Variants in TMC7 observed in about 807,000 individuals in gnomAD.
TMC7 encodes the protein transmembrane channel like 7, also known as transmembrane channel-like protein 7.
Under a neutral mutation model 82.9 loss-of-function variants are expected in TMC7, and 54 were observed. The observed-to-expected ratio is 0.65, with a 90% CI of 0.52 to 0.82. The LOEUF is 0.82. Among genes scored for constraint, TMC7 ranks in the 40% least tolerant of loss-of-function variants. The pLI, the probability that TMC7 is intolerant of heterozygous loss-of-function variation, is 0.00. For synonymous variants in TMC7, 350 were observed against 337.9 expected, an observed-to-expected ratio of 1.04 and a Z score of -0.39; for missense variants, 820 against 901.2, an observed-to-expected ratio of 0.91 and a Z score of 1.15.
At chr16:19,009,940 C>CA (rs773991777) in intron 2 of TMC7, among the ~76,000 whole-genome samples, 37,744 of 96,984 alleles carry the variant, frequency 0.39, 6,320 homozygotes, top group African/African-American at 0.42. Context: ...GACTCCAGCT[C>CA]AAAAAAAAAA....
At chr16:18,994,354 G>C (rs965585924) in intron 1 of TMC7, among the ~76,000 whole-genome samples, 4 of 151,858 alleles carry the variant, frequency 2.6e-5, no homozygotes, top group Non-Finnish European at 5.9e-5. Context: ...AAGTTGTTTG[G>C]ACAGAAAGGC....
rs559336058 is a variant in TMC7 at position 18,989,530 on chromosome 16, C to G, written c.67+5400C>G. Among the ~76,000 whole-genome samples, 185 of 143,568 alleles carry G rather than the reference C, an allele frequency of 1.3e-3. 4 individuals are homozygous for G. Among genetic ancestry groups the G allele is most frequent in the African/African-American group, 4.6e-3 (183 of 39,796 alleles). The allele number at this position is 143,568 out of a possible 152,430, so 94.2% of individuals were successfully genotyped here. A position where few individuals can be genotyped will look rare whatever the true frequency, so the allele number is the denominator to read the frequency against. On this transcript the variant is annotated intron_variant, in intron 1 of 15. Transcript: ENST00000304381. ...GGAGCATTGTTTGGGCCTGGGGCCACCTAGACCTTCTGATGCTCTGTCCCC... is the reference window on the plus strand; with the variant it reads ...GGAGCATTGTTTGGGCCTGGGGCCAGCTAGACCTTCTGATGCTCTGTCCCC...
Position 19,009,378 on chromosome 16 carries a change from A to C in TMC7, c.274A>C (p.Asn92His). ...AAACCTCAGCAGCCATTCTCTTCGA[A>C]ATTATGCACTGAACATCTCTGAGAA... ...AENLSSHSLR[N>H]YALNISEKRR... Residue 92 changes from asparagine (N) to histidine (H), a missense_variant, in exon 2 of 16, where the codon AAT becomes CAT. Around this residue, in one of 2 missense-constraint regions of TMC7, gnomAD observed 650 missense variants for 669.9 expected, o/e 0.97. Transcript: ENST00000304381. 1 of 1,614,124 alleles carries C rather than the reference A, an allele frequency of 6.2e-7. No individual in the cohort carries two copies. Among genetic ancestry groups the C allele is most frequent in the Non-Finnish European group, 8.5e-7 (1 of 1,180,024 alleles).
chr16:19,058,466 C>CA (rs1961867749), intron 14 of TMC7, among the ~76,000 whole-genome samples: 1 of 152,148 alleles, frequency 6.6e-6, no homozygotes, highest in Admixed American at 6.5e-5. Flanking sequence ...CCCTATTTTA[C>CA]AAATGAGGAA....
chr16:18,985,313 T>C (rs1167702452), intron 1 of TMC7, among the ~76,000 whole-genome samples: 5 of 147,534 alleles, frequency 3.4e-5, no homozygotes, highest in African/African-American at 1.0e-4. Context: ...GATTTGGTCA[T>C]TGAGGCCTTC....
chr16:19,037,815 T>C, intron 7 of TMC7, 59 bp from the exon 8 acceptor site: 1 of 1,529,214 alleles, frequency 6.5e-7, no homozygotes, highest in East Asian at 2.3e-5. Context: ...TGAATCAATT[T>C]CTATCCCTGA....
chr16:19,045,591 C>CTTTT (rs58444252), intron 11 of TMC7, among the ~76,000 whole-genome samples, 153 bp downstream of exon 11: 1 of 77,760 alleles, frequency 1.3e-5, no homozygotes, highest in Admixed American at 1.7e-4. Flanking sequence ...TGGTAACTTT[C>CTTTT]TTTTTTTTTT....
chr16:19,010,158 T>TCCCCTCCG (rs2039316988), intron 2 of TMC7, among the ~76,000 whole-genome samples: 1 of 23,666 alleles, frequency 4.2e-5, no homozygotes, highest in Non-Finnish European at 8.8e-5. Flanking sequence ...CCTCCCCTCC[T>TCCCCTCCG]CTCCTCTCCT....
chr16:19,002,957 C>T (rs1450066703), intron 1 of TMC7, among the ~76,000 whole-genome samples: 3 of 152,198 alleles, frequency 2.0e-5, no homozygotes, highest in African/African-American at 7.2e-5. Flanking sequence ...GGTGAAATGA[C>T]CTGTGGTAAA....
intron 6 of TMC7, 120 bp downstream of exon 6, chr16:19,030,489 G>T: frequency 8.1e-7 from 1 of 1,233,082 alleles, no homozygotes; most frequent in Non-Finnish European, 1.1e-6. Context: ...GGGTTTTGTG[G>T]GGAAGGGTTT....
At chr16:19,000,554 A>G (rs751622261) in intron 1 of TMC7, among the ~76,000 whole-genome samples, 2 of 152,230 alleles carry the variant, frequency 1.3e-5, no homozygotes, top group Non-Finnish European at 2.9e-5. Flanking sequence ...ACATCGACTT[A>G]TCGGTAATAT....
At chr16:19,053,122 T>A (rs1357536686) in intron 13 of TMC7, among the ~76,000 whole-genome samples, 1 of 152,156 alleles carries the variant, frequency 6.6e-6, no homozygotes, top group Admixed American at 6.5e-5. Context: ...GGGTGTAAAT[T>A]GAAGAGAAAA....
chr16:19,000,839 T>C (rs913400671), intron 1 of TMC7, among the ~76,000 whole-genome samples: 4 of 152,046 alleles, frequency 2.6e-5, no homozygotes, highest in African/African-American at 9.7e-5. Flanking sequence ...GGCAATATGG[T>C]AAAACCCCAT....
intron 8 of TMC7, 23 bp from the exon 9 acceptor site, chr16:19,040,265 TA>T (rs1465092765): frequency 6.2e-7 from 1 of 1,606,626 alleles, no homozygotes. Flanking sequence ...TACTCCTGAC[TA>T]ATAAGTTTTG....
intron 9 of TMC7, 42 bp downstream of exon 9, chr16:19,040,488 A>C: frequency 6.4e-7 from 1 of 1,568,750 alleles, no homozygotes; most frequent in Non-Finnish European, 8.7e-7. Context: ...CAAGCCAGTC[A>C]CTACCTGCCC....
chr16:18,990,356 G>A (rs1436275171), intron 1 of TMC7, among the ~76,000 whole-genome samples: 4 of 152,138 alleles, frequency 2.6e-5, no homozygotes, highest in Non-Finnish European at 5.9e-5. Context: ...GCCTGACAGT[G>A]TGATCTTGGC....
intron 9 of TMC7, among the ~76,000 whole-genome samples, chr16:19,044,469 C>T (rs182332528): frequency 6.0e-4 from 91 of 152,104 alleles, no homozygotes; most frequent in African/African-American, 2.1e-3. Context: ...GCTGGGATTA[C>T]AGGCGTGAGC....
chr16:19,021,819 T>C (rs576867460), intron 4 of TMC7, 23 bp downstream of exon 4: 3 of 1,609,162 alleles, frequency 1.9e-6, no homozygotes, highest in East Asian at 4.5e-5. Flanking sequence ...CCTGGTTTAC[T>C]ACGAAGTGTG....
At chr16:18,984,638 A>C in intron 1 of TMC7, 3 of 482,458 alleles carry the variant, frequency 6.2e-6, no homozygotes, top group Non-Finnish European at 8.1e-6. Flanking sequence ...TGGGAATAGA[A>C]TGGGGCGGGG....
Sources: allele counts gnomAD v4.1 joint callset (sites outside exome capture counted in the v4.1 genomes callset), GRCh38; gene constraint gnomAD v4.1.1; regional missense constraint gnomAD v4.1.1; transcripts MANE v1.5; gene names NCBI Gene and HGNC (gene_info 2026-07-23, HGNC 2026-07-21).